Variants in SETBP1 observed in about 807,000 individuals in gnomAD.
SETBP1 encodes SET binding protein 1, also known as SET-binding protein.
Under a neutral mutation model 101.0 loss-of-function variants are expected in SETBP1, and 9 were observed. The ratio of observed to expected loss-of-function variants is 0.09; its 90% CI spans 0.05 to 0.16. SETBP1 has a LOEUF of 0.16. SETBP1 is among the 10% of genes least tolerant of loss of function. The pLI is 1.00. For synonymous variants in SETBP1, 818 were observed against 788.5 expected (o/e 1.04, Z -0.63); for missense variants, 1,858 against 2,033.8 (o/e 0.91, Z 1.66).
At chr18:44,937,524 G>T (rs2070991082) in intron 3 of SETBP1, among the ~76,000 whole-genome samples, 1 of 151,828 alleles carries the variant, frequency 6.6e-6, no homozygotes, top group Non-Finnish European at 1.5e-5. Context: ...AGGTGTAAGA[G>T]GTCAGGTGAC....
chr18:44,977,691 G>A (rs916761479), intron 4 of SETBP1, among the ~76,000 whole-genome samples: 1 of 152,162 alleles, frequency 6.6e-6, no homozygotes, highest in African/African-American at 2.4e-5. Flanking sequence ...CATAGCCTGG[G>A]ACAGATTTTA....
rs562376440 is a variant in SETBP1 at position 44,752,013 on chromosome 18, C to G, written c.486+50181C>G. Among the ~76,000 whole-genome samples the G allele has an allele frequency of 5.9e-5, 9 of 152,252 alleles. No individual in the cohort carries two copies. The South Asian group carries it at 1.9e-3, about 32-fold the overall frequency. The stretch of plus-strand genomic sequence containing the variant: ...TCACTAACCTTTATTAGCCATCTCA[C>G]CTTGACTACCTCTCAAAGGTACCAT... On this transcript the variant is annotated intron_variant, in intron 2 of 5. Coordinates refer to ENST00000649279, the MANE Select transcript of SETBP1 (RefSeq NM_015559.3).
chr18:44,979,747 G>A (rs1856713797), intron 4 of SETBP1, among the ~76,000 whole-genome samples: 2 of 152,172 alleles, frequency 1.3e-5, no homozygotes, highest in African/African-American at 2.4e-5. Context: ...ACGAAATATG[G>A]TCAAGGCTCA....
chr18:45,002,418 TC>T (rs1424820707), intron 4 of SETBP1, among the ~76,000 whole-genome samples: 9 of 152,002 alleles, frequency 5.9e-5, no homozygotes, highest in Non-Finnish European at 1.2e-4. Context: ...ACAGGCCTGG[TC>T]CCTGCTGGAA....
At chr18:44,761,013 G>T (rs1015787209) in intron 2 of SETBP1, among the ~76,000 whole-genome samples, 1 of 152,152 alleles carries the variant, frequency 6.6e-6, no homozygotes, top group South Asian at 2.1e-4. Context: ...TACAACATTT[G>T]TATCTACTGT....
chr18:44,859,935 T>C (rs1652379632), intron 2 of SETBP1, among the ~76,000 whole-genome samples: 2 of 152,212 alleles, frequency 1.3e-5, no homozygotes, highest in Non-Finnish European at 2.9e-5. Flanking sequence ...GGACCCAGAT[T>C]CTCTGCCAAA....
At chr18:44,790,817 C>T (rs1395836032) in intron 2 of SETBP1, among the ~76,000 whole-genome samples, 1 of 151,550 alleles carries the variant, frequency 6.6e-6, no homozygotes, top group Non-Finnish European at 1.5e-5. Flanking sequence ...GCTTGGCCAA[C>T]CTTCTTGCTT....
intron 2 of SETBP1, among the ~76,000 whole-genome samples, chr18:44,787,853 T>C (rs2071273623): frequency 1.5e-3 from 3 of 2,010 alleles, no homozygotes; most frequent in African/African-American, 3.5e-3. Context: ...AGAGCGAGAG[T>C]CCGTCTCAAA....
At chr18:45,060,485 A>C (rs2073873990) in intron 5 of SETBP1, among the ~76,000 whole-genome samples, 1 of 152,162 alleles carries the variant, frequency 6.6e-6, no homozygotes, top group Non-Finnish European at 1.5e-5. Context: ...AAAAAAGGGA[A>C]AGGAATGGAG....
At chr18:44,907,233 A>G (rs1309767183) in intron 3 of SETBP1, among the ~76,000 whole-genome samples, 2 of 152,122 alleles carry the variant, frequency 1.3e-5, no homozygotes, top group Non-Finnish European at 2.9e-5. Context: ...GATATATTCT[A>G]TTTTGTTTAT....
chr18:44,805,986 T>G (rs1370985018), intron 2 of SETBP1, among the ~76,000 whole-genome samples: 2 of 152,162 alleles, frequency 1.3e-5, no homozygotes, highest in Non-Finnish European at 2.9e-5. Flanking sequence ...TCCTCCATGC[T>G]TGGCAGGAAA....
At chr18:44,948,393 C>G (rs1486682296) in intron 3 of SETBP1, among the ~76,000 whole-genome samples, 1 of 152,044 alleles carries the variant, frequency 6.6e-6, no homozygotes, top group Admixed American at 6.6e-5. Context: ...TTTATGCCAT[C>G]TGTGTTTTGA....
At chr18:44,788,943 C>T (rs117680987) in intron 2 of SETBP1, among the ~76,000 whole-genome samples, 4,553 of 151,780 alleles carry the variant, frequency 0.03, 103 homozygotes, top group South Asian at 0.065. Context: ...GCCGGGACTA[C>T]AGGCGCACAC....
At chr18:44,970,625 T>A (rs1049248338) in intron 4 of SETBP1, among the ~76,000 whole-genome samples, 1 of 152,100 alleles carries the variant, frequency 6.6e-6, no homozygotes, top group Non-Finnish European at 1.5e-5. Flanking sequence ...GATCTCGGCT[T>A]ACTGCAACCT....
At chr18:44,680,817 G>T (rs971546086), upstream of SETBP1, 7 of 152,160 alleles carry the variant, frequency 4.6e-5, no homozygotes, top group Non-Finnish European at 1.0e-4. Flanking sequence ...TTTGGCGTTG[G>T]TGGAGTGGAC....
chr18:44,758,421 T>C (rs899440572), intron 2 of SETBP1, among the ~76,000 whole-genome samples: 1 of 151,942 alleles, frequency 6.6e-6, no homozygotes, highest in African/African-American at 2.4e-5. Flanking sequence ...CTCGCTCTGT[T>C]GCCCAGGCTG....
intron 2 of SETBP1, among the ~76,000 whole-genome samples, chr18:44,778,567 C>A (rs574079130): frequency 6.6e-6 from 1 of 152,286 alleles, no homozygotes; most frequent in South Asian, 2.1e-4. Flanking sequence ...TCTGTTCTAC[C>A]TTTTCTGGGG....
intron 2 of SETBP1, among the ~76,000 whole-genome samples, chr18:44,743,271 G>A (rs1399091038): frequency 6.6e-6 from 1 of 152,032 alleles, no homozygotes; most frequent in African/African-American, 2.4e-5. Context: ...TAGGGAAGTA[G>A]ATTGGAGGAG....
chr18:44,773,495 C>A (rs2070920107), intron 2 of SETBP1, among the ~76,000 whole-genome samples: 4 of 152,194 alleles, frequency 2.6e-5, no homozygotes. Context: ...CACCTCCCTC[C>A]CCTCTTCTTC....
Sources: gnomAD v4.1 joint callset for allele counts (sites outside exome capture counted in the v4.1 genomes callset) on GRCh38, gnomAD v4.1.1 for gene constraint, MANE v1.5 for transcripts, NCBI Gene and HGNC (gene_info 2026-07-23, HGNC 2026-07-21) for gene names.